NAV3: variants seen among roughly 807,000 people sequenced by gnomAD.
NAV3 encodes neuron navigator 3, also known as pore membrane and/or filament interacting like protein 1.
A neutral mutation model predicts 244.7 loss-of-function variants in NAV3; 87 were observed. The ratio of observed to expected loss-of-function variants is 0.36; its 90% CI spans 0.30 to 0.42. NAV3 has a LOEUF of 0.42. Among genes scored for constraint, NAV3 ranks in the 20% least tolerant of loss-of-function variants. NAV3 has a pLI of 1.00. For missense variants in NAV3, 2,663 were observed against 2,893.3 expected, an observed-to-expected ratio of 0.92 and a Z score of 1.83; for synonymous variants, 1,126 against 1,042.2, an observed-to-expected ratio of 1.08 and a Z score of -1.55.
At chr12:77,766,734 A>ATTTTTTTTT (rs1565805085) in intron 2 of NAV3, among the ~76,000 whole-genome samples, 3 of 53,414 alleles carry the variant, frequency 5.6e-5, no homozygotes, top group African/African-American at 1.0e-4. Flanking sequence ...CAGGCAATTA[A>ATTTTTTTTT]GTTTTTTTTT....
intron 2 of NAV3, among the ~76,000 whole-genome samples, chr12:77,708,831 G>A (rs1252143581): frequency 6.6e-6 from 1 of 152,116 alleles, no homozygotes; most frequent in Non-Finnish European, 1.5e-5. Flanking sequence ...AATTGTGAAT[G>A]GGAGTTCACT....
intron 23 of NAV3, among the ~76,000 whole-genome samples, chr12:78,159,537 C>T (rs528604715): frequency 1.1e-4 from 16 of 151,816 alleles, no homozygotes; most frequent in East Asian, 5.8e-4. Flanking sequence ...GGCATGGTGG[C>T]GGGTACCTGT....
chr12:77,636,906 C>T (rs1003060359), intron 2 of NAV3, among the ~76,000 whole-genome samples: 1 of 151,980 alleles, frequency 6.6e-6, no homozygotes, highest in Non-Finnish European at 1.5e-5. Flanking sequence ...AACCAAACAC[C>T]GTATGTGCTC....
intron 1 of NAV3, among the ~76,000 whole-genome samples, chr12:77,842,757 G>T (rs1875907563): frequency 6.6e-6 from 1 of 152,036 alleles, no homozygotes; most frequent in South Asian, 2.1e-4. Context: ...TTCAGACCAT[G>T]ATAAGCACAT....
At chr12:77,933,349 A>C (rs1487150700) in intron 1 of NAV3, among the ~76,000 whole-genome samples, 1 of 152,188 alleles carries the variant, frequency 6.6e-6, no homozygotes, top group Non-Finnish European at 1.5e-5. Flanking sequence ...GGAAGGGTGA[A>C]GAGATGTTAG....
intron 1 of NAV3, among the ~76,000 whole-genome samples, chr12:77,865,763 T>C (rs1457237222): frequency 6.8e-6 from 1 of 146,648 alleles, no homozygotes; most frequent in Non-Finnish European, 1.5e-5. Context: ...CATATACACA[T>C]ATACTACATA....
At chr12:77,813,322 T>A (rs556480698) in intron 2 of NAV3, among the ~76,000 whole-genome samples, 1 of 152,316 alleles carries the variant, frequency 6.6e-6, no homozygotes, top group Non-Finnish European at 1.5e-5. Context: ...GATTACTGTC[T>A]TGGTGGAACT....
Position 77,803,141 on chromosome 12 carries a change from A to G in NAV3, c.73-137178A>G, listed in dbSNP as rs563975284. Among the ~76,000 whole-genome samples, 9 of 152,262 alleles carry G rather than the reference A, an allele frequency of 5.9e-5. 1 individual carries two copies. The highest frequency in any genetic ancestry group is 8.8e-5 in the Non-Finnish European group (6 of 68,032). On this transcript the variant is annotated intron_variant, in intron 2 of 8. Coordinates refer to the NAV3 transcript ENST00000550042. ...TCTGGGATACATGTGCAGAACGTGC[A>G]TGTTTGTTACATAGGTATTCACATG...
At chr12:77,632,271 A>G (rs897742062) in intron 2 of NAV3, among the ~76,000 whole-genome samples, 1 of 152,168 alleles carries the variant, frequency 6.6e-6, no homozygotes, top group Non-Finnish European at 1.5e-5. Flanking sequence ...ATATTAATAT[A>G]TATATCACCA....
intron 23 of NAV3, 82 bp downstream of exon 23, chr12:78,159,368 A>C: frequency 7.9e-7 from 1 of 1,262,622 alleles, no homozygotes; most frequent in Non-Finnish European, 1.1e-6. Context: ...AAGCTCCTTA[A>C]AAATAATATT....
At chr12:78,059,436 G>T (rs186702563) in intron 12 of NAV3, among the ~76,000 whole-genome samples, 1 of 151,808 alleles carries the variant, frequency 6.6e-6, no homozygotes, top group African/African-American at 2.4e-5. Flanking sequence ...CTCCAGGCAC[G>T]CACCACCATG....
intron 2 of NAV3, among the ~76,000 whole-genome samples, chr12:77,766,004 G>T (rs1869732270): frequency 6.6e-6 from 1 of 152,198 alleles, no homozygotes; most frequent in South Asian, 2.1e-4. Context: ...GGATGGGCAT[G>T]AGGGAGAGGC....
At chr12:77,829,630 C>A (rs1026929253), upstream of NAV3, among the ~76,000 whole-genome samples, 1 of 152,114 alleles carries the variant, frequency 6.6e-6, no homozygotes, top group Non-Finnish European at 1.5e-5. Context: ...TATTTCATTT[C>A]TTTGATACCA....
chr12:78,002,114 T>A (rs1425025680), intron 7 of NAV3, among the ~76,000 whole-genome samples: 4 of 152,240 alleles, frequency 2.6e-5, no homozygotes, highest in South Asian at 2.1e-4. Context: ...ATCATTCTTT[T>A]GTTTTACAAA....
intron 2 of NAV3, among the ~76,000 whole-genome samples, chr12:77,685,013 T>C (rs1874652474): frequency 6.6e-6 from 1 of 152,210 alleles, no homozygotes; most frequent in Non-Finnish European, 1.5e-5. Context: ...CTAATACCAA[T>C]GTCACACTGT....
intron 24 of NAV3, among the ~76,000 whole-genome samples, chr12:78,172,050 A>T (rs977770498): frequency 6.6e-6 from 1 of 151,690 alleles, no homozygotes; most frequent in Non-Finnish European, 1.5e-5. Context: ...AAGATTTAAA[A>T]AATTACCCTG....
At chr12:77,782,292 C>T (rs1870705543) in intron 2 of NAV3, among the ~76,000 whole-genome samples, 1 of 148,440 alleles carries the variant, frequency 6.7e-6, no homozygotes, top group Non-Finnish European at 1.5e-5. Context: ...CCCCTCCCCT[C>T]CCCTTCCCTT....
intron 22 of NAV3, among the ~76,000 whole-genome samples, chr12:78,157,226 A>T (rs560199165): frequency 6.6e-6 from 1 of 152,074 alleles, no homozygotes; most frequent in South Asian, 2.1e-4. Flanking sequence ...GTTCACTTTT[A>T]TATATGTGTG....
intron 1 of NAV3, among the ~76,000 whole-genome samples, chr12:77,849,513 T>C (rs1355968976): frequency 6.6e-6 from 1 of 152,204 alleles, no homozygotes; most frequent in Non-Finnish European, 1.5e-5. Context: ...TGATGGGTTG[T>C]AGTCAAAACA....
Sources: allele counts gnomAD v4.1 joint callset (sites outside exome capture counted in the v4.1 genomes callset), GRCh38; gene constraint gnomAD v4.1.1; transcripts MANE v1.5; gene names NCBI Gene and HGNC (gene_info 2026-07-23, HGNC 2026-07-21).